The following LARP1 variants were observed in gnomAD, a reference collection of about 807,000 sequenced individuals.
LARP1 encodes la-related protein 1.
In LARP1, 36 loss-of-function variants were observed where a neutral mutation model predicts 122.7. That is an observed-to-expected ratio of 0.29 (90% CI 0.22 to 0.39). LARP1 has a LOEUF of 0.39. LARP1 is among the 10% of genes least tolerant of loss of function. The pLI, the probability that LARP1 is intolerant of heterozygous loss-of-function variation, is 1.00. For synonymous variants in LARP1, 539 were observed against 528.7 expected (o/e 1.02, Z -0.27); for missense variants, 1,040 against 1,403.6 (o/e 0.74, Z 4.14).
rs141988879 is a variant in LARP1, at chr5:154,814,023, C to A, written c.3218C>A (p.Pro1073His). ...ATGATCAGCCAACCCCCTACACCAC[C>A]CACCGGCCAGCCTGTCCGGGAAGAT... is the stretch of plus-strand genomic sequence containing the variant. ...AAMISQPPTP[P>H]TGQPVREDAK... Residue 1073 changes from proline to histidine, a missense_variant, in exon 19 of 19, where the codon CCC (proline) becomes CAC (histidine). Pro to His is a moderately conservative substitution (Grantham distance 77). Transcript: ENST00000518297. 1 of 1,614,162 alleles carries A rather than the reference C, an allele frequency of 6.2e-7. No individual in the cohort carries two copies. Among genetic ancestry groups the A allele is most frequent in the South Asian group, 1.1e-5 (1 of 91,088 alleles).
At chr5:154,762,993 C>G (rs1201863225) in intron 1 of LARP1, among the ~76,000 whole-genome samples, 1 of 150,928 alleles carries the variant, frequency 6.6e-6, no homozygotes, top group Non-Finnish European at 1.5e-5. Context: ...GAATAGTCAC[C>G]ATTTACTGCA....
chr5:154,795,971 TTA>T (rs1260922126), intron 8 of LARP1, among the ~76,000 whole-genome samples: 1 of 118,754 alleles, frequency 8.4e-6, no homozygotes, highest in Non-Finnish European at 1.6e-5. Flanking sequence ...TTTATACATA[TTA>T]TATATTTATA....
intron 8 of LARP1, among the ~76,000 whole-genome samples, chr5:154,795,781 A>G (rs1757699529): frequency 7.0e-6 from 1 of 143,548 alleles, no homozygotes; most frequent in African/African-American, 2.6e-5. Context: ...ATATCATCAA[A>G]TATTTAGTTC....
chr5:154,729,581 A>G (rs933078908), intron 1 of LARP1: 2 of 437,576 alleles, frequency 4.6e-6, no homozygotes, highest in Non-Finnish European at 9.0e-6. Flanking sequence ...AGCCAAAGAG[A>G]AAGGTACCTG....
upstream of LARP1, among the ~76,000 whole-genome samples, chr5:154,712,332 G>A (rs928851962): frequency 2.0e-5 from 3 of 152,188 alleles, no homozygotes; most frequent in Admixed American, 6.5e-5. Flanking sequence ...TTTGCAAACA[G>A]GAAAGTGGTG....
chr5:154,695,207 CG>C (rs1754413472), intron 1 of LARP1, among the ~76,000 whole-genome samples: 1 of 151,486 alleles, frequency 6.6e-6, no homozygotes, highest in African/African-American at 2.4e-5. Flanking sequence ...CCCAGCTACT[CG>C]GGAGGCTGAG....
chr5:154,767,293 C>T (rs534839795), intron 1 of LARP1, among the ~76,000 whole-genome samples: 3 of 152,298 alleles, frequency 2.0e-5, no homozygotes, highest in Admixed American at 6.5e-5. Flanking sequence ...CATAGTAATA[C>T]GTGGTAATGG....
At chr5:154,796,034 A>T (rs1214832738) in intron 8 of LARP1, among the ~76,000 whole-genome samples, 1 of 106,622 alleles carries the variant, frequency 9.4e-6, no homozygotes, top group South Asian at 2.4e-4. Context: ...ATATATTTTT[A>T]TATATATTAT....
At chr5:154,794,071 C>G (rs1381848962) in intron 6 of LARP1, 29 bp from the exon 7 acceptor site, 2 of 1,613,012 alleles carry the variant, frequency 1.2e-6, no homozygotes, top group Non-Finnish European at 1.7e-6. Flanking sequence ...GGAATCTCCT[C>G]TCCCTCATGG....
At chr5:154,742,726 T>A (rs1013941112) in intron 1 of LARP1, among the ~76,000 whole-genome samples, 5 of 142,552 alleles carry the variant, frequency 3.5e-5, no homozygotes, top group African/African-American at 7.8e-5. Flanking sequence ...TCAGACCCTG[T>A]CTCAAAAAAA....
chr5:154,763,544 C>G (rs960328975), intron 1 of LARP1, among the ~76,000 whole-genome samples: 3 of 151,134 alleles, frequency 2.0e-5, no homozygotes, highest in Non-Finnish European at 4.4e-5. Context: ...TTTGGGAGAC[C>G]GAGATGGTAG....
intron 16 of LARP1, among the ~76,000 whole-genome samples, chr5:154,810,009 C>T (rs899812422): frequency 6.6e-6 from 1 of 152,062 alleles, no homozygotes; most frequent in African/African-American, 2.4e-5. Flanking sequence ...CCCTGCCTTA[C>T]TATTAATTTC....
chr5:154,757,821 C>A (rs1289478784), intron 1 of LARP1, among the ~76,000 whole-genome samples: 2 of 52,972 alleles, frequency 3.8e-5, no homozygotes, highest in Non-Finnish European at 7.2e-5. Context: ...CCCCTTCCCC[C>A]CTGCTCCCCT....
intron 1 of LARP1, among the ~76,000 whole-genome samples, chr5:154,784,045 A>G (rs1052240340): frequency 2.0e-5 from 3 of 152,204 alleles, no homozygotes; most frequent in African/African-American, 7.2e-5. Flanking sequence ...TTCCTCTGGG[A>G]GCCAGCAGTT....
At chr5:154,774,755 GAGATCCTAGACTTGA>G (rs1164228831) in intron 1 of LARP1, among the ~76,000 whole-genome samples, 6 of 152,106 alleles carry the variant, frequency 3.9e-5, no homozygotes, top group Non-Finnish European at 8.8e-5. Flanking sequence ...CAGCTCTTTG[GAGATCCTAGACTTGA>G]AGCAGGTCAG....
At chr5:154,798,988 C>T (rs1207958215) in intron 8 of LARP1, among the ~76,000 whole-genome samples, 1 of 152,182 alleles carries the variant, frequency 6.6e-6, no homozygotes, top group African/African-American at 2.4e-5. Context: ...CTTAACCTCT[C>T]GAATAGCTGG....
At chr5:154,795,530 A>AGAGT (rs1246347426) in intron 8 of LARP1, among the ~76,000 whole-genome samples, 1 of 152,134 alleles carries the variant, frequency 6.6e-6, no homozygotes, top group East Asian at 1.9e-4. Flanking sequence ...TAACAAAAGT[A>AGAGT]GAGTAGTATA....
intron 1 of LARP1, among the ~76,000 whole-genome samples, chr5:154,726,946 T>G (rs998055552): frequency 6.6e-6 from 1 of 152,168 alleles, no homozygotes; most frequent in Non-Finnish European, 1.5e-5. Context: ...GAGAACAGCA[T>G]GGGGGAAACC....
Position 154,755,958 on chromosome 5 carries a change from C to T in LARP1, c.201C>T (p.Gly67=). The change falls in exon 1 of 19, where the codon GGC becomes GGT. Residue 67 remains glycine, a synonymous_variant. Coordinates refer to ENST00000518297, the MANE Select transcript of LARP1 (RefSeq NM_033551.3). ...CCTGCGCCAAGCCGCACAAGGAGGG[C>T]ACCGGGCAGCAGGAGCGCGAGAGCC... The part of the protein sequence containing the change: ...RPPCAKPHKE[G]TGQQERESPR... 1.0e-6 allele frequency: 1 copy of T among 1,003,324 alleles called. No homozygotes were observed. 62.2% of individuals were successfully genotyped at this position (1,003,324 alleles called of 1,614,324 possible). A position where few individuals can be genotyped will look rare whatever the true frequency, so the allele number is the denominator to read the frequency against.
Sources: allele counts gnomAD v4.1 joint callset (sites outside exome capture counted in the v4.1 genomes callset), GRCh38; gene constraint gnomAD v4.1.1; transcripts MANE v1.5; gene names NCBI Gene and HGNC (gene_info 2026-07-23, HGNC 2026-07-21).